Variants in OPHN1 observed in about 807,000 individuals in gnomAD.
The protein encoded by OPHN1 is oligophrenin 1.
In OPHN1, 11 loss-of-function variants were observed where a neutral mutation model predicts 60.7. The ratio of observed to expected loss-of-function variants is 0.18; its 90% CI spans 0.11 to 0.30. OPHN1 has a LOEUF of 0.30. OPHN1 is among the 10% of genes least tolerant of loss of function. The pLI is 1.00. For missense variants in OPHN1, 449 were observed against 611.0 expected (o/e 0.73, Z 2.80); for synonymous variants, 226 against 222.6 (o/e 1.02, Z -0.14).
intron 15 of OPHN1, among the ~76,000 whole-genome samples, chrX:68,164,170 C>CA (rs757743658): frequency 1.2e-4 from 13 of 111,395 alleles, no homozygotes; most frequent in Non-Finnish European, 2.1e-4. Flanking sequence ...CAAAAGCACT[C>CA]ATAGTGTAAT....
At chrX:68,181,670 T>TA (rs1395049118) in intron 15 of OPHN1, among the ~76,000 whole-genome samples, 1 of 109,821 alleles carries the variant, frequency 9.1e-6, no homozygotes, top group Non-Finnish European at 1.9e-5. Context: ...ACTAAAAATT[T>TA]AAAAAAAATT....
intron 15 of OPHN1, among the ~76,000 whole-genome samples, chrX:68,124,118 A>T (rs945705157): frequency 9.0e-6 from 1 of 111,475 alleles, no homozygotes; most frequent in African/African-American, 3.3e-5. Flanking sequence ...AGACTTCAAG[A>T]CAAAAACTGT....
intron 15 of OPHN1, among the ~76,000 whole-genome samples, chrX:68,122,984 G>C (rs2089602617): frequency 1.8e-5 from 2 of 110,994 alleles, no homozygotes; most frequent in Admixed American, 1.9e-4. Flanking sequence ...GACGGTTATA[G>C]AACACCAGAG....
intron 2 of OPHN1, among the ~76,000 whole-genome samples, chrX:68,406,278 G>A (rs917984038): frequency 1.8e-5 from 2 of 111,317 alleles, no homozygotes; most frequent in African/African-American, 6.5e-5. Context: ...TTTTAGTATT[G>A]ACTTTAGATT....
chrX:68,351,552 G>A (rs1384790535), intron 2 of OPHN1, among the ~76,000 whole-genome samples: 1 of 111,858 alleles, frequency 8.9e-6, no homozygotes, highest in African/African-American at 3.2e-5. Flanking sequence ...AAGCACAGCT[G>A]GTTGTGAATT....
At chrX:68,229,064 T>C (rs2077713010) in intron 6 of OPHN1, among the ~76,000 whole-genome samples, 1 of 111,363 alleles carries the variant, frequency 9.0e-6, no homozygotes, top group Non-Finnish European at 1.9e-5. Context: ...TTCAGCAAAG[T>C]CTCAGGATAC....
chrX:68,141,931 AG>A (rs2077244747), intron 15 of OPHN1, among the ~76,000 whole-genome samples: 1 of 106,305 alleles, frequency 9.4e-6, no homozygotes, highest in African/African-American at 3.4e-5. Flanking sequence ...AAAGAAAGAA[AG>A]AAAGAAAGAA....
chrX:68,168,594 C>A (rs2077372107), intron 15 of OPHN1, among the ~76,000 whole-genome samples: 1 of 111,452 alleles, frequency 9.0e-6, no homozygotes. Flanking sequence ...ATTAAAAGAA[C>A]TAGAAAAGCA....
Position 68,195,003 on chromosome X carries a change from AAAGGAAGGAAGGAAGGAAGG to A in OPHN1, c.1105-525_1105-506del, listed in dbSNP as rs747674245. On this transcript the variant is annotated intron_variant, in intron 12 of 24. Coordinates refer to ENST00000355520, the MANE Select transcript of OPHN1 (RefSeq NM_002547.3). ...AAGAAAGAAAGAGAGAGAGAGAAAG[AAAGGAAGGAAGGAAGGAAGG>A]AAGGAAGGAAGGAAGGAAGGAAGGA... Among the ~76,000 whole-genome samples the A allele has an allele frequency of 3.7e-3, 215 of 58,724 alleles. 2 individuals are homozygous for A. The highest frequency in any genetic ancestry group is 0.02 in the East Asian group (37 of 1,878). 51.0% of individuals were successfully genotyped at this position (58,724 alleles called of 115,157 possible).
intron 5 of OPHN1, among the ~76,000 whole-genome samples, chrX:68,266,219 A>G (rs2077925523): frequency 9.0e-6 from 1 of 111,400 alleles, no homozygotes; most frequent in Non-Finnish European, 1.9e-5. Context: ...TCCAAGACAC[A>G]TAATTGTCAG....
intron 15 of OPHN1, among the ~76,000 whole-genome samples, chrX:68,144,243 T>G (rs2077254803): frequency 9.1e-6 from 1 of 110,211 alleles, no homozygotes; most frequent in Non-Finnish European, 1.9e-5. Context: ...TTGCCCAGTC[T>G]GGTCTCAAAC....
At position 68,194,473 on chromosome X, in the gene OPHN1, T is replaced by C. The variant is rs2077502103; in HGVS notation, c.1130A>G (p.Gln377Arg). The part of the protein sequence containing the change: ...EPIYHSPITK[Q>R]QEMELNEVGF... ...AAACTTAAGTGACTCACTTTCTTGC[T>C]GTTTTGTTATAGGGCTGTGGTAGAT... Residue 377 changes from glutamine (Q) to arginine (R), a missense_variant, in exon 13 of 25, where the codon CAG becomes CGG. By Grantham distance (43) the Gln-to-Arg change is conservative (BLOSUM62 1). This residue lies in a region of OPHN1 where 166 missense variants were observed against 278.4 expected (regional missense o/e 0.60). Coordinates refer to ENST00000355520, the MANE Select transcript of OPHN1 (RefSeq NM_002547.3). 8.3e-7 allele frequency: 1 copy of C among 1,208,227 alleles called. No homozygotes were observed. Among genetic ancestry groups the C allele is most frequent in the Non-Finnish European group, 1.1e-6 (1 of 892,311 alleles).
At chrX:68,131,959 A>G (rs1369065649) in intron 15 of OPHN1, among the ~76,000 whole-genome samples, 1 of 112,836 alleles carries the variant, frequency 8.9e-6, no homozygotes, top group Non-Finnish European at 1.9e-5. Flanking sequence ...GCTTTCTCTT[A>G]AATAATTCTT....
At chrX:68,374,561 A>C (rs7053613) in intron 2 of OPHN1, among the ~76,000 whole-genome samples, 33,768 of 108,895 alleles carry the variant, frequency 0.31, 7,789 homozygotes, top group African/African-American at 0.81. Context: ...AAGCAATCCT[A>C]CTGCCTCAGC....
chrX:68,259,027 C>T, intron 5 of OPHN1, among the ~76,000 whole-genome samples: 1 of 111,775 alleles, frequency 8.9e-6, no homozygotes, highest in Non-Finnish European at 1.9e-5. Context: ...TGCATAGATT[C>T]TACAACATAG....
At chrX:68,205,973 TGTGTGA>T (rs1429966727) in intron 10 of OPHN1, among the ~76,000 whole-genome samples, 2,591 of 52,063 alleles carry the variant, frequency 0.05, 91 homozygotes, top group African/African-American at 0.17. Context: ...TGTGTGAGTG[TGTGTGA>T]GTGTGTGTGT....
At chrX:68,230,196 A>C (rs1169686764) in intron 6 of OPHN1, among the ~76,000 whole-genome samples, 1 of 111,717 alleles carries the variant, frequency 9.0e-6, no homozygotes, top group African/African-American at 3.3e-5. Context: ...GAGAAATGCA[A>C]ATCAAAACCA....
chrX:68,201,808 G>A, intron 10 of OPHN1, 98 bp from the exon 11 acceptor site: 1 of 663,326 alleles, frequency 1.5e-6, no homozygotes, highest in South Asian at 2.2e-5. Context: ...GAAGGCGTCT[G>A]GTCAAGGCAG....
intron 5 of OPHN1, among the ~76,000 whole-genome samples, chrX:68,267,782 G>A (rs1037514027): frequency 1.4e-4 from 16 of 111,261 alleles, no homozygotes; most frequent in African/African-American, 5.2e-4. Context: ...CTGATAGACC[G>A]CTAGCAAGAC....
Sources: allele counts gnomAD v4.1 joint callset (sites outside exome capture counted in the v4.1 genomes callset), GRCh38; gene constraint gnomAD v4.1.1; regional missense constraint gnomAD v4.1.1; transcripts MANE v1.5; gene names NCBI Gene and HGNC (gene_info 2026-07-23, HGNC 2026-07-21).